The following ADGRL4 variants were observed in gnomAD, a reference collection of about 807,000 sequenced individuals.
ADGRL4 encodes the protein adhesion G protein-coupled receptor L4.
ADGRL4 carries 90 observed loss-of-function variants against 74.8 expected under a neutral mutation model. The observed-to-expected ratio is 1.20, with a 90% confidence interval of 1.02 to 1.43. ADGRL4 has a LOEUF of 1.43. Among genes scored for constraint, ADGRL4 ranks in the 40% most tolerant of loss-of-function variants. ADGRL4 has a pLI of 0.00. For missense variants in ADGRL4, 881 were observed against 814.3 expected (o/e 1.08, Z -1.00); for synonymous variants, 311 against 279.2 (o/e 1.11, Z -1.14).
At chr1:79,003,051 T>C (rs1314246864) in intron 2 of ADGRL4, among the ~76,000 whole-genome samples, 1 of 152,002 alleles carries the variant, frequency 6.6e-6, no homozygotes, top group East Asian at 1.9e-4. Flanking sequence ...ATTCGATTCC[T>C]CAAGAAATAG....
intron 2 of ADGRL4, among the ~76,000 whole-genome samples, chr1:78,966,585 C>A (rs1324007921): frequency 1.3e-5 from 2 of 152,120 alleles, no homozygotes; most frequent in East Asian, 3.8e-4. Flanking sequence ...GGTCAGGGGC[C>A]ATTCCATGGT....
chr1:78,921,014 T>TAATATTA (rs1438919265), intron 9 of ADGRL4, among the ~76,000 whole-genome samples: 6 of 151,346 alleles, frequency 4.0e-5, no homozygotes, highest in Non-Finnish European at 7.4e-5. Flanking sequence ...AATGATAGAT[T>TAATATTA]ATAAATAAAT....
At chr1:78,898,611 T>C (rs1431116449) in intron 12 of ADGRL4, among the ~76,000 whole-genome samples, 2 of 152,014 alleles carry the variant, frequency 1.3e-5, no homozygotes, top group East Asian at 3.9e-4. Context: ...TATAAGAACT[T>C]TGAAATTCAA....
intron 2 of ADGRL4, among the ~76,000 whole-genome samples, chr1:78,966,922 AAAAATCCC>A (rs1025883286): frequency 1.3e-5 from 2 of 151,428 alleles, no homozygotes; most frequent in African/African-American, 2.4e-5. Context: ...ATGATAAAAA[AAAAATCCC>A]TGTTTATATT....
intron 2 of ADGRL4, among the ~76,000 whole-genome samples, chr1:78,989,658 A>C (rs573934005): frequency 6.6e-6 from 1 of 151,954 alleles, no homozygotes; most frequent in Admixed American, 6.6e-5. Context: ...CTAGCATCAG[A>C]ATCTTGCAGC....
intron 3 of ADGRL4, among the ~76,000 whole-genome samples, chr1:78,945,923 A>T (rs1462813923): frequency 2.0e-5 from 3 of 152,192 alleles, no homozygotes; most frequent in African/African-American, 7.2e-5. Context: ...TTTAATGCAA[A>T]TGACAATTTT....
At chr1:78,990,036 G>A (rs1570274970) in intron 2 of ADGRL4, among the ~76,000 whole-genome samples, 3 of 151,908 alleles carry the variant, frequency 2.0e-5, no homozygotes, top group Non-Finnish European at 2.9e-5. Context: ...TTTTCATCAG[G>A]TTTTGATCAA....
intron 2 of ADGRL4, among the ~76,000 whole-genome samples, chr1:78,947,758 TAAG>T (rs975491151): frequency 1.1e-4 from 16 of 152,114 alleles, no homozygotes; most frequent in Non-Finnish European, 2.1e-4. Context: ...CTGAAGATTG[TAAG>T]AAGCCTAATT....
At chr1:78,904,566 T>G (rs1648591439) in intron 12 of ADGRL4, among the ~76,000 whole-genome samples, 1 of 151,948 alleles carries the variant, frequency 6.6e-6, no homozygotes, top group East Asian at 1.9e-4. Context: ...TTTAGTGAGG[T>G]GCATACATTT....
chr1:78,895,998 T>C (rs1187823446), intron 12 of ADGRL4, among the ~76,000 whole-genome samples: 3 of 152,006 alleles, frequency 2.0e-5, no homozygotes, highest in African/African-American at 7.2e-5. Context: ...CAGTCTTGAA[T>C]GACCAGTAGA....
chr1:78,997,733 C>A (rs528503873), intron 2 of ADGRL4, among the ~76,000 whole-genome samples: 12 of 151,964 alleles, frequency 7.9e-5, no homozygotes, highest in African/African-American at 2.7e-4. Context: ...ACTGGACTAT[C>A]TTTAAATGAC....
At chr1:78,999,093 A>C (rs541943937) in intron 2 of ADGRL4, among the ~76,000 whole-genome samples, 1 of 152,336 alleles carries the variant, frequency 6.6e-6, no homozygotes, top group East Asian at 1.9e-4. Context: ...GATAAGTACA[A>C]GACTGGATAA....
rs141751005 is a variant in ADGRL4, at chr1:78,988,900, G to A, written c.172+16170C>T. On this transcript the variant is annotated intron_variant, in intron 2 of 14. Transcript: ENST00000370742. ...TTTTCCCAGAATTAAAAATATATAT[G>A]TACTTCTCTATTCTAATAAGCTTTA... is the stretch of plus-strand genomic sequence containing the variant. Among the ~76,000 whole-genome samples the A allele has an allele frequency of 4.5e-4, 68 of 151,798 alleles. No homozygotes were observed. The East Asian group carries it at 0.012, about 26-fold the overall frequency.
intron 12 of ADGRL4, among the ~76,000 whole-genome samples, chr1:78,898,340 G>C (rs950980024): frequency 1.3e-5 from 2 of 152,034 alleles, no homozygotes; most frequent in African/African-American, 4.8e-5. Context: ...TCTGAATTAA[G>C]AAAATAGTGC....
intron 2 of ADGRL4, among the ~76,000 whole-genome samples, chr1:78,991,773 T>A (rs1161717714): frequency 6.6e-6 from 1 of 151,972 alleles, no homozygotes. Flanking sequence ...TAGAAGGAGA[T>A]TATTTCTGCT....
intron 2 of ADGRL4, among the ~76,000 whole-genome samples, chr1:78,966,916 TA>T (rs34217460): frequency 0.21 from 31,187 of 146,290 alleles, 3,855 homozygotes; most frequent in Non-Finnish European, 0.28. Flanking sequence ...CTAGGAATGA[TA>T]AAAAAAAAAT....
chr1:78,991,041 A>G (rs1183396539), intron 2 of ADGRL4, among the ~76,000 whole-genome samples: 1 of 152,070 alleles, frequency 6.6e-6, no homozygotes, highest in Non-Finnish European at 1.5e-5. Context: ...TTGCCGGTAC[A>G]TGTCAACTTT....
intron 2 of ADGRL4, among the ~76,000 whole-genome samples, chr1:78,999,218 A>G (rs1650785150): frequency 6.6e-6 from 1 of 152,184 alleles, no homozygotes; most frequent in Non-Finnish European, 1.5e-5. Flanking sequence ...TTTGCAAAAT[A>G]AGGTTTGCAA....
intron 3 of ADGRL4, among the ~76,000 whole-genome samples, chr1:78,941,699 G>A (rs1358994478): frequency 1.3e-5 from 2 of 151,980 alleles, no homozygotes; most frequent in South Asian, 4.2e-4. Flanking sequence ...AGTGAAACTG[G>A]CTTGTCTACA....
Sources: allele counts gnomAD v4.1 joint callset (sites outside exome capture counted in the v4.1 genomes callset), GRCh38; gene constraint gnomAD v4.1.1; transcripts MANE v1.5; gene names NCBI Gene and HGNC (gene_info 2026-07-23, HGNC 2026-07-21).